Variants in RAB40B observed in about 807,000 individuals in gnomAD.
The protein encoded by RAB40B is RAB40B, member RAS oncogene family, also known as ras-related protein Rab-40B.
RAB40B carries 21 observed loss-of-function variants against 24.0 expected under a neutral mutation model. The ratio of observed to expected loss-of-function variants is 0.88; its 90% CI spans 0.62 to 1.26. The LOEUF (loss-of-function observed/expected upper bound fraction) is 1.26. Among genes scored for constraint, RAB40B ranks in the 50% most tolerant of loss-of-function variants. The pLI, the probability that RAB40B is intolerant of heterozygous loss-of-function variation, is 0.00. For missense variants in RAB40B, 348 were observed against 390.5 expected (o/e 0.89, Z 0.92); for synonymous variants, 167 against 169.8 (o/e 0.98, Z 0.13).
chr17:82,664,398 G>T, intron 2 of RAB40B, 98 bp downstream of exon 2: 1 of 1,199,326 alleles, frequency 8.3e-7, no homozygotes, highest in Non-Finnish European at 1.2e-6. Context: ...GGTGGGGGAT[G>T]GGTGCTCCCC....
Position 82,664,551 on chromosome 17 carries a change from C to G in RAB40B, c.148G>C (p.Asp50His). The G allele has an allele frequency of 1.2e-6, 2 of 1,613,578 alleles. No homozygotes were observed. Among genetic ancestry groups the G allele is most frequent in the Non-Finnish European group, 8.5e-7 (1 of 1,179,588 alleles). ...ESPYGHPAGI[D>H]YKTTTILLDG... is the part of the protein sequence containing the mutation. Reference sequence around the variant, plus strand: ...AGCAGGATGGTGGTCGTCTTGTAGTCGATGCCTGCGGAAGGGTTAGAGACG... The same window carrying G: ...AGCAGGATGGTGGTCGTCTTGTAGTGGATGCCTGCGGAAGGGTTAGAGACG... Residue 50 changes from aspartate (D) to histidine (H), a missense_variant, in exon 2 of 6, where the codon GAC becomes CAC. Physicochemically the swap from Asp to His is moderately conservative, Grantham distance 81. This residue lies in a region of RAB40B where 101 missense variants were observed against 85.5 expected (regional missense o/e 1.18). Coordinates refer to ENST00000571995, the MANE Select transcript of RAB40B (RefSeq NM_006822.3).
In RAB40B at chr17:82,667,109, C is replaced by A. The variant is rs1042002554; in HGVS notation, c.143-2553G>T. Among the ~76,000 whole-genome samples the A allele has an allele frequency of 6.6e-6, 1 of 152,202 alleles. No homozygotes were observed. The highest frequency in any genetic ancestry group is 1.5e-5 in the Non-Finnish European group (1 of 68,032). Reference sequence around the variant, plus strand: ...AGCCCACGATGTAGCCAGTGAGTGCCCAGAAACAGGCTCCTCTAAAAATGC... The same window carrying A: ...AGCCCACGATGTAGCCAGTGAGTGCACAGAAACAGGCTCCTCTAAAAATGC... On this transcript the variant is annotated intron_variant, in intron 1 of 5. Coordinates refer to ENST00000571995, the MANE Select transcript of RAB40B (RefSeq NM_006822.3). The surrounding 1 kb of genome is among the most constrained non-coding windows in gnomAD (Gnocchi z 4.3).
Position 82,681,020 on chromosome 17 carries a change from C to CAAAAAAAAAAAAAA in RAB40B, c.143-16478_143-16465dup, listed in dbSNP as rs201799464. Among the ~76,000 whole-genome samples the CAAAAAAAAAAAAAA allele has an allele frequency of 1.6e-4, 15 of 93,936 alleles. 1 individual carries two copies. The highest frequency in any genetic ancestry group is 1.8e-4 in the African/African-American group (4 of 22,636). 61.6% of individuals were successfully genotyped at this position (93,936 alleles called of 152,430 possible). A position where few individuals can be genotyped will look rare whatever the true frequency, so the allele number is the denominator to read the frequency against. ...TGGGCAACAGAGCAAGACTCCATCT[C>CAAAAAAAAAAAAAA]AAAAAAAAAAAAAAAAAAAAAAAAA... On this transcript the variant is annotated intron_variant, in intron 1 of 5. Transcript: ENST00000571995.
chr17:82,670,169 G>A (rs1438828710), intron 1 of RAB40B, among the ~76,000 whole-genome samples: 2 of 149,406 alleles, frequency 1.3e-5, no homozygotes, highest in African/African-American at 2.5e-5. Context: ...GTCCTTGAGG[G>A]CCAACAATCT....
chr17:82,670,224 C>T (rs1056490800), intron 1 of RAB40B, among the ~76,000 whole-genome samples: 1 of 144,676 alleles, frequency 6.9e-6, no homozygotes, highest in African/African-American at 2.6e-5. Flanking sequence ...CTCGCTCTCT[C>T]ACCCAGCCTG....
rs1207884222 is a variant in RAB40B at position 82,675,396 on chromosome 17, C to CAT, written c.143-10841_143-10840insAT. ...CCTGTCTGACGTGGTCTCCACCAAG[C>CAT]GCTGGCTTCCTTCACAGCAGCACTT... On this transcript the variant is annotated intron_variant, in intron 1 of 5. Coordinates refer to ENST00000571995, the MANE Select transcript of RAB40B (RefSeq NM_006822.3). The surrounding 1 kb of genome is among the most constrained non-coding windows in gnomAD (Gnocchi z 4.5). Among the ~76,000 whole-genome samples, 5 of 152,150 alleles carry CAT rather than the reference C, an allele frequency of 3.3e-5. No individual in the cohort carries two copies. Among genetic ancestry groups the CAT allele is most frequent in the Non-Finnish European group, 4.4e-5 (3 of 68,030 alleles).
intron 1 of RAB40B, among the ~76,000 whole-genome samples, chr17:82,688,422 G>C (rs2046524263): frequency 6.6e-6 from 1 of 151,572 alleles, no homozygotes; most frequent in Admixed American, 6.6e-5. Flanking sequence ...AGACCAGCCT[G>C]ACCAACATGG....
At chr17:82,672,406 C>G (rs2046351216) in intron 1 of RAB40B, among the ~76,000 whole-genome samples, 1 of 152,272 alleles carries the variant, frequency 6.6e-6, no homozygotes, top group Non-Finnish European at 1.5e-5. Flanking sequence ...CACACACTCA[C>G]ACGCTCCCTG....
At chr17:82,658,397 G>A (rs1211688795) in intron 5 of RAB40B, 94 bp downstream of exon 5, 12 of 1,395,638 alleles carry the variant, frequency 8.6e-6, no homozygotes, top group Admixed American at 3.7e-5. Context: ...GCCTTGAGAC[G>A]GGTCCCGGGA....
Position 82,658,659 on chromosome 17 carries a change from T to C in RAB40B, c.397A>G (p.Lys133Glu). 1 of 1,613,384 alleles carries C rather than the reference T, an allele frequency of 6.2e-7. No homozygotes were observed. The highest frequency in any genetic ancestry group is 8.5e-7 in the Non-Finnish European group (1 of 1,179,934). The change falls in exon 5 of 6, where the codon AAG (lysine) becomes GAG (glutamate). Residue 133 changes from lysine (K) to glutamate (E), a missense_variant. Lys to Glu is a moderately conservative substitution (Grantham distance 56). Coordinates refer to ENST00000571995, the MANE Select transcript of RAB40B (RefSeq NM_006822.3). ...GCCTGCTCCGTGGGCACCTGCCGCT[T>C]GAACGCCAGGTGCAGGCGGTTCCCC... is the stretch of plus-strand genomic sequence containing the variant. ...LVGNRLHLAFKRQVPTEQAQA... is the reference protein window; with the variant it reads ...LVGNRLHLAFERQVPTEQAQA...
chr17:82,665,060 C>A (rs998197006), intron 1 of RAB40B, among the ~76,000 whole-genome samples: 1 of 152,234 alleles, frequency 6.6e-6, no homozygotes, highest in Non-Finnish European at 1.5e-5. Context: ...ACAGACGTGA[C>A]GCTGCGTGGG....
intron 1 of RAB40B, among the ~76,000 whole-genome samples, chr17:82,679,747 G>T (rs941197159): frequency 6.6e-6 from 1 of 152,256 alleles, no homozygotes; most frequent in Non-Finnish European, 1.5e-5. Flanking sequence ...CCGAGCACAG[G>T]GCAGGGGGCA....
At chr17:82,685,612 C>A (rs550790367) in intron 1 of RAB40B, among the ~76,000 whole-genome samples, 2 of 152,320 alleles carry the variant, frequency 1.3e-5, no homozygotes, top group East Asian at 3.9e-4. Context: ...GGGCCAGGGG[C>A]TCCAGTGCTG....
In RAB40B at chr17:82,690,246, G is replaced by A. The variant is rs188786756; in HGVS notation, c.142+8209C>T. ...TGGAGGGAGCACGGAGTGTGCACAC[G>A]TGTTCTCGGGGAGCAGAGAGTGTGT... On this transcript the variant is annotated intron_variant, in intron 1 of 5. Coordinates refer to ENST00000571995, the MANE Select transcript of RAB40B (RefSeq NM_006822.3). Among the ~76,000 whole-genome samples, 92 of 151,188 alleles carry A rather than the reference G, an allele frequency of 6.1e-4. No homozygotes were observed. In the East Asian group the frequency reaches 0.014, roughly 23 times the overall value.
At chr17:82,661,828 A>T in intron 2 of RAB40B, 1 of 764,528 alleles carries the variant, frequency 1.3e-6, no homozygotes, top group Non-Finnish European at 1.6e-6. Flanking sequence ...CGGAGGTTGC[A>T]GTGAGCTGAT....
Position 82,677,911 on chromosome 17 carries a change from G to A in RAB40B, c.143-13355C>T, listed in dbSNP as rs566075285. On this transcript the variant is annotated intron_variant, in intron 1 of 5. Transcript: ENST00000571995. ...CTGGACACTGGGCCCAGCGAGCAGC[G>A]ACCAAACTCATTTCAAGTCTCTCTT... Among the ~76,000 whole-genome samples, 270 of 152,296 alleles carry A rather than the reference G, an allele frequency of 1.8e-3. 4 individuals are homozygous for A. In the South Asian group the frequency reaches 0.018, roughly 10 times the overall value.
intron 1 of RAB40B, among the ~76,000 whole-genome samples, chr17:82,676,345 C>T (rs905751452): frequency 7.2e-6 from 1 of 138,776 alleles, no homozygotes; most frequent in African/African-American, 2.5e-5. Context: ...CTTCAACAGC[C>T]TCCCCTCACC....
intron 1 of RAB40B, among the ~76,000 whole-genome samples, chr17:82,674,455 C>T (rs1428059841): frequency 2.8e-5 from 4 of 141,160 alleles, no homozygotes; most frequent in African/African-American, 5.3e-5. Context: ...CAGGGTGAAA[C>T]CCCGTCTCTA....
intron 1 of RAB40B, among the ~76,000 whole-genome samples, chr17:82,684,238 A>AAG (rs71168136): frequency 2.7e-5 from 4 of 150,902 alleles, no homozygotes; most frequent in Non-Finnish European, 4.4e-5. Flanking sequence ...AAAAAAAAAA[A>AAG]TTACAATGAG....
Sources: allele counts gnomAD v4.1 joint callset (sites outside exome capture counted in the v4.1 genomes callset), GRCh38; gene constraint gnomAD v4.1.1; regional missense constraint gnomAD v4.1.1; non-coding constraint Gnocchi (gnomAD v3.1); transcripts MANE v1.5; gene names NCBI Gene and HGNC (gene_info 2026-07-23, HGNC 2026-07-21).